Variants in ARHGAP12 observed in about 807,000 individuals in gnomAD.
The protein encoded by ARHGAP12 is rho GTPase-activating protein 12.
ARHGAP12 carries 64 observed loss-of-function variants against 108.6 expected under a neutral mutation model. The ratio of observed to expected loss-of-function variants is 0.59; its 90% CI spans 0.48 to 0.73. The LOEUF is 0.73. Ranked by LOEUF, ARHGAP12 falls within the 30% of genes least tolerant of loss-of-function variation. The pLI, the probability that ARHGAP12 is intolerant of heterozygous loss-of-function variation, is 0.00. For synonymous variants in ARHGAP12, 312 were observed against 337.2 expected, an observed-to-expected ratio of 0.93 and a Z score of 0.82; for missense variants, 940 against 1,005.9, an observed-to-expected ratio of 0.93 and a Z score of 0.89.
intron 9 of ARHGAP12, among the ~76,000 whole-genome samples, chr10:31,836,165 T>C (rs901653847): frequency 7.2e-5 from 11 of 152,208 alleles, no homozygotes; most frequent in Admixed American, 2.0e-4. Context: ...TTTTAAAATG[T>C]CTTTTTCTCT....
chr10:31,808,917 TA>T (rs970426481), intron 18 of ARHGAP12, 76 bp downstream of exon 18: 48 of 1,431,476 alleles, frequency 3.4e-5, no homozygotes, highest in South Asian at 5.4e-5. Flanking sequence ...TAAAGTAAGA[TA>T]AAAAAAATTG....
intron 6 of ARHGAP12, among the ~76,000 whole-genome samples, chr10:31,852,107 C>T (rs1472136711): frequency 1.3e-5 from 2 of 152,140 alleles, no homozygotes; most frequent in African/African-American, 2.4e-5. Context: ...CAATCATACA[C>T]ACCATTTACA....
chr10:31,899,803 T>C (rs1838847194), intron 3 of ARHGAP12, among the ~76,000 whole-genome samples: 1 of 152,166 alleles, frequency 6.6e-6, no homozygotes, highest in Non-Finnish European at 1.5e-5. Flanking sequence ...TAGGTGACTT[T>C]TGGTTTGGCA....
At chr10:31,888,840 G>C (rs996021075) in intron 3 of ARHGAP12, among the ~76,000 whole-genome samples, 4 of 151,844 alleles carry the variant, frequency 2.6e-5, no homozygotes, top group Non-Finnish European at 5.9e-5. Context: ...ATTTACTTTA[G>C]AAAAGAAAAG....
At chr10:31,877,750 AAG>A in intron 3 of ARHGAP12, among the ~76,000 whole-genome samples, 1 of 152,332 alleles carries the variant, frequency 6.6e-6, no homozygotes, top group African/African-American at 2.4e-5. Flanking sequence ...AAAATAATGA[AAG>A]AAAATCTGAC....
intron 3 of ARHGAP12, among the ~76,000 whole-genome samples, chr10:31,896,480 G>A (rs1022352811): frequency 9.2e-5 from 14 of 151,940 alleles, no homozygotes; most frequent in African/African-American, 3.1e-4. Context: ...TTCTGGCATC[G>A]TGTCAGCCTC....
rs149005625 is a variant in ARHGAP12, at chr10:31,908,232, T to C, written c.624A>G (p.Arg208=). 1.1e-3 allele frequency: 1,834 copies of C among 1,613,516 alleles called. No individual in the cohort carries two copies. Among genetic ancestry groups the C allele is most frequent in the Non-Finnish European group, 1.4e-3 (1,676 of 1,179,862 alleles). ...CACCAGATTCAGAATCTTGATGTAT[T>C]CTTTCAGAGCCTTCTCCTGCGGAAT... ...SCDSAGEGSE[R]IHQDSESGDE... The change falls in exon 3 of 20, where the codon AGA becomes AGG. Residue 208 remains arginine (R), a synonymous_variant. Transcript: ENST00000344936.
rs1836184580 is a variant in ARHGAP12 at position 31,839,715 on chromosome 10, CAAGAAATAAGTAATGA to C, written c.1297-20_1297-5del. 2 of 1,599,274 alleles carry C rather than the reference CAAGAAATAAGTAATGA, an allele frequency of 1.3e-6. No homozygotes were observed. The highest frequency in any genetic ancestry group is 2.2e-5 in the South Asian group (2 of 89,644). On this transcript the variant is annotated splice_polypyrimidine_tract_variant and splice_region_variant and intron_variant, in intron 7 of 19. Coordinates refer to ENST00000344936, the MANE Select transcript of ARHGAP12 (RefSeq NM_018287.7). ...GTTTTGAGGCAGTTGGAGATTCCTA[CAAGAAATAAGTAATGA>C]AAAAAGTTACTCTATTTTATATAAT...
chr10:31,829,098 C>T (rs111481120), intron 10 of ARHGAP12, among the ~76,000 whole-genome samples: 119 of 152,024 alleles, frequency 7.8e-4, no homozygotes, highest in African/African-American at 2.8e-3. Flanking sequence ...GTTGCAGTGA[C>T]CCAAGATCGC....
intron 10 of ARHGAP12, among the ~76,000 whole-genome samples, chr10:31,828,110 C>T (rs994747713): frequency 1.3e-5 from 2 of 152,004 alleles, no homozygotes; most frequent in African/African-American, 4.8e-5. Context: ...CATGCTTTAC[C>T]ATTTTAAATA....
At chr10:31,858,491 A>G (rs1410284868) in intron 4 of ARHGAP12, among the ~76,000 whole-genome samples, 2 of 151,884 alleles carry the variant, frequency 1.3e-5, no homozygotes, top group Non-Finnish European at 2.9e-5. Context: ...GTTGAGGCAA[A>G]AGGGCTGCTT....
chr10:31,923,138 A>G (rs1389860267), intron 1 of ARHGAP12, among the ~76,000 whole-genome samples: 1 of 150,982 alleles, frequency 6.6e-6, no homozygotes, highest in Admixed American at 6.6e-5. Context: ...ACAGGAAAAA[A>G]AAAAAAAAAA....
chr10:31,813,468 G>A (rs1248921548), intron 14 of ARHGAP12, among the ~76,000 whole-genome samples: 1 of 151,872 alleles, frequency 6.6e-6, no homozygotes, highest in African/African-American at 2.4e-5. Context: ...TCTATTTGGG[G>A]GAAGTTGAGA....
chr10:31,925,490 C>A (rs1839997554), intron 1 of ARHGAP12, among the ~76,000 whole-genome samples: 1 of 152,210 alleles, frequency 6.6e-6, no homozygotes, highest in South Asian at 2.1e-4. Context: ...TCAACCAACA[C>A]TGACACATAA....
chr10:31,863,612 TAAATA>T (rs1445272127), intron 3 of ARHGAP12, among the ~76,000 whole-genome samples: 1 of 152,084 alleles, frequency 6.6e-6, no homozygotes, highest in Non-Finnish European at 1.5e-5. Context: ...AGAGAAGAAT[TAAATA>T]AAAGAACACT....
chr10:31,820,523 G>A, intron 11 of ARHGAP12, 35 bp from the exon 12 acceptor site: 1 of 1,365,138 alleles, frequency 7.3e-7, no homozygotes, highest in South Asian at 1.3e-5. Context: ...ACCTTCATGT[G>A]ATACTCACAT....
At chr10:31,878,566 A>G (rs186761666) in intron 3 of ARHGAP12, among the ~76,000 whole-genome samples, 1 of 152,362 alleles carries the variant, frequency 6.6e-6, no homozygotes, top group East Asian at 1.9e-4. Flanking sequence ...AGTGTAAAAA[A>G]TTTAAAAAAT....
intron 3 of ARHGAP12, among the ~76,000 whole-genome samples, chr10:31,896,496 G>A (rs967763818): frequency 5.3e-5 from 8 of 151,994 alleles, no homozygotes; most frequent in Non-Finnish European, 7.4e-5. Flanking sequence ...GCCTCATAGA[G>A]AAAAGTCCTA....
intron 3 of ARHGAP12, among the ~76,000 whole-genome samples, chr10:31,882,062 C>A (rs1364889777): frequency 3.3e-5 from 5 of 151,694 alleles, no homozygotes; most frequent in Non-Finnish European, 7.4e-5. Flanking sequence ...CTACAGGCGC[C>A]CGCCACTACG....
Sources: gnomAD v4.1 joint callset for allele counts (sites outside exome capture counted in the v4.1 genomes callset) on GRCh38, gnomAD v4.1.1 for gene constraint, MANE v1.5 for transcripts, NCBI Gene and HGNC (gene_info 2026-07-23, HGNC 2026-07-21) for gene names.